The following AADACL4 variants were observed in gnomAD, a reference collection of about 807,000 sequenced individuals.
AADACL4 encodes the protein arylacetamide deacetylase-like 4.
In AADACL4, 9 loss-of-function variants were observed where a neutral mutation model predicts 14.1. The observed-to-expected ratio is 0.64, with a 90% CI of 0.39 to 1.12. The LOEUF is 1.12. AADACL4 is among the 50% of genes most tolerant of loss of function. AADACL4 has a pLI of 0.01. For synonymous variants in AADACL4, 188 were observed against 201.6 expected, an observed-to-expected ratio of 0.93 and a Z score of 0.57; for missense variants, 531 against 516.1, an observed-to-expected ratio of 1.03 and a Z score of -0.28.
chr1:12,648,682 C>T (rs926713968), intron 1 of AADACL4, among the ~76,000 whole-genome samples: 3 of 151,590 alleles, frequency 2.0e-5, no homozygotes, highest in African/African-American at 4.9e-5. Context: ...GGATTACAGG[C>T]GTGAGCCACC....
intron 1 of AADACL4, among the ~76,000 whole-genome samples, chr1:12,650,206 C>T (rs1383421082): frequency 6.6e-6 from 1 of 152,182 alleles, no homozygotes; most frequent in Non-Finnish European, 1.5e-5. Context: ...TATCCAGAAT[C>T]GCTGAAATGT....
At chr1:12,662,784 C>T (rs1011437523) in intron 3 of AADACL4, among the ~76,000 whole-genome samples, 6 of 152,188 alleles carry the variant, frequency 3.9e-5, no homozygotes, top group Admixed American at 3.3e-4. Context: ...CATCTCTGGT[C>T]CTCTCTGATG....
At chr1:12,648,986 T>C (rs992283098) in intron 1 of AADACL4, among the ~76,000 whole-genome samples, 4 of 152,206 alleles carry the variant, frequency 2.6e-5, no homozygotes, top group African/African-American at 9.6e-5. Flanking sequence ...TTCTAGATGC[T>C]GGAGACAGAG....
chr1:12,644,605 TTGTC>T lies in AADACL4; in HGVS notation c.62_65del (p.Val21GlyfsTer22), dbSNP rs771722269. 1.2e-6 allele frequency: 2 copies of T among 1,614,144 alleles called. No homozygotes were observed. Among genetic ancestry groups the T allele is most frequent in the East Asian group, 4.5e-5 (2 of 44,876 alleles). On this transcript the variant is annotated frameshift_variant, in exon 1 of 4. Transcript: ENST00000376221. LOFTEE classifies it high-confidence loss of function. Reference sequence around the variant, plus strand: ...TTGCCCATCTTTTTCCTGGGGGTCTTTGTCTGGGCTGTCTTTGAGCACTTCCTCA... The same window carrying T: ...TTGCCCATCTTTTTCCTGGGGGTCTTTGGGCTGTCTTTGAGCACTTCCTCA...
rs566587637 is a variant in AADACL4, at chr1:12,662,958, C to T, written c.449+1104C>T. On this transcript the variant is annotated intron_variant, in intron 3 of 3. Transcript: ENST00000376221. Reference sequence around the variant, plus strand: ...ACATAAAGGTATCAATAAGCACCTGCATTAATACCTTGTAGGAAATTGCTT... The same window carrying T: ...ACATAAAGGTATCAATAAGCACCTGTATTAATACCTTGTAGGAAATTGCTT... Among the ~76,000 whole-genome samples, 38 of 152,298 alleles carry T rather than the reference C, an allele frequency of 2.5e-4. 2 individuals are homozygous for T. In the South Asian group the frequency reaches 7.9e-3, roughly 32 times the overall value.
rs114844302 is a variant in AADACL4, at chr1:12,644,567, G to A, written c.21G>A (p.Val7=). 7.1e-3 allele frequency: 11,431 copies of A among 1,614,080 alleles called. 52 individuals carry two copies. The highest frequency in any genetic ancestry group is 8.5e-3 in the Non-Finnish European group (10,058 of 1,179,986). ...GGAACATGGCTGTCCCCTGGCTAGT[G>A]CTACTCTTGGCATTGCCCATCTTTT... MAVPWL[V]LLLALPIFFL... Residue 7 remains valine, a synonymous_variant, in exon 1 of 4, where the codon GTG becomes GTA. Coordinates refer to ENST00000376221, the MANE Select transcript of AADACL4 (RefSeq NM_001013630.2).
intron 1 of AADACL4, among the ~76,000 whole-genome samples, chr1:12,647,457 A>C (rs1448966693): frequency 6.6e-6 from 1 of 152,168 alleles, no homozygotes. Flanking sequence ...CTGAAAATGC[A>C]CAGCACCAGT....
intron 3 of AADACL4, among the ~76,000 whole-genome samples, 158 bp from the exon 4 acceptor site, chr1:12,665,803 C>T (rs1000310995): frequency 6.6e-6 from 1 of 152,190 alleles, no homozygotes; most frequent in African/African-American, 2.4e-5. Flanking sequence ...TCTTCACATG[C>T]TCATAGGAAG....
At chr1:12,656,439 G>A (rs1461858755) in intron 2 of AADACL4, among the ~76,000 whole-genome samples, 1 of 152,190 alleles carries the variant, frequency 6.6e-6, no homozygotes, top group Non-Finnish European at 1.5e-5. Flanking sequence ...CTGCAAGCTT[G>A]CTGATATCCA....
At chr1:12,662,014 C>A (rs921822161) in intron 3 of AADACL4, among the ~76,000 whole-genome samples, 160 bp downstream of exon 3, 3 of 152,016 alleles carry the variant, frequency 2.0e-5, no homozygotes, top group Non-Finnish European at 4.4e-5. Flanking sequence ...GAGCAAAAAC[C>A]TGAAAGCAAC....
intron 2 of AADACL4, among the ~76,000 whole-genome samples, chr1:12,660,729 C>A (rs569380010): frequency 6.6e-6 from 1 of 151,980 alleles, no homozygotes; most frequent in African/African-American, 2.4e-5. Context: ...CTGCAACCTC[C>A]GCCTCCCGGG....
At chr1:12,657,508 T>C (rs1011150880) in intron 2 of AADACL4, among the ~76,000 whole-genome samples, 1 of 152,044 alleles carries the variant, frequency 6.6e-6, no homozygotes, top group Non-Finnish European at 1.5e-5. Flanking sequence ...GACACTATCA[T>C]GAGAATGAAT....
chr1:12,666,082 G>C lies in AADACL4; in HGVS notation c.571G>C (p.Gly191Arg). The part of the protein sequence containing the change: ...GVDPSRVVVC[G>R]ESVGGAAVAA... ...GGACCCCTCCAGGGTTGTGGTCTGT[G>C]GAGAAAGCGTCGGAGGTGCAGCGGT... The change falls in exon 4 of 4, where the codon GGA becomes CGA. Residue 191 changes from glycine to arginine, a missense_variant. Physicochemically the swap from Gly to Arg is moderately radical, Grantham distance 125. Coordinates refer to ENST00000376221, the MANE Select transcript of AADACL4 (RefSeq NM_001013630.2). The C allele has an allele frequency of 6.2e-7, 1 of 1,614,244 alleles. No individual in the cohort carries two copies. Among genetic ancestry groups the C allele is most frequent in the Non-Finnish European group, 8.5e-7 (1 of 1,180,046 alleles).
chr1:12,654,066 T>C (rs1467479044), intron 2 of AADACL4, among the ~76,000 whole-genome samples: 1 of 152,134 alleles, frequency 6.6e-6, no homozygotes, highest in Admixed American at 6.5e-5. Flanking sequence ...CAGGATCAGT[T>C]CTCTCAAAAG....
chr1:12,650,026 G>A (rs1647135680), intron 1 of AADACL4, among the ~76,000 whole-genome samples: 1 of 152,196 alleles, frequency 6.6e-6, no homozygotes, highest in African/African-American at 2.4e-5. Context: ...GACTTAGAAA[G>A]GTTGCTGAGA....
At chr1:12,659,826 T>G (rs964079409) in intron 2 of AADACL4, among the ~76,000 whole-genome samples, 7 of 150,586 alleles carry the variant, frequency 4.6e-5, no homozygotes, top group Admixed American at 4.6e-4. Flanking sequence ...ATGTATTTGT[T>G]TGTTTATTTT....
intron 1 of AADACL4, among the ~76,000 whole-genome samples, chr1:12,649,958 C>G (rs752604943): frequency 4.6e-5 from 7 of 152,206 alleles, no homozygotes; most frequent in Non-Finnish European, 8.8e-5. Context: ...GGGCAAGGAA[C>G]TTGACCTTGG....
In AADACL4 at chr1:12,658,143, T is replaced by TTCCTTC. The variant is rs1557550884; in HGVS notation, c.386-3648_386-3647insTCCTTC. 3.4e-3 allele frequency among the ~76,000 whole-genome samples: 307 copies of TTCCTTC among 90,430 alleles called. 3 individuals are homozygous for TTCCTTC. Among genetic ancestry groups the TTCCTTC allele is most frequent in the Admixed American group, 0.012 (114 of 9,540 alleles). The allele number at this position is 90,430 out of a possible 152,430, so 59.3% of individuals were successfully genotyped here. A position where few individuals can be genotyped will look rare whatever the true frequency, so the allele number is the denominator to read the frequency against. On this transcript the variant is annotated intron_variant, in intron 2 of 3. Transcript: ENST00000376221. ...TCCTTCCTTCCTTCCTTCCTTCCTT[T>TTCCTTC]CTTTCTTTCTTTCTTTCTTTCTTTT... is the stretch of plus-strand genomic sequence containing the variant.
At chr1:12,646,858 G>C (rs750175374) in intron 1 of AADACL4, among the ~76,000 whole-genome samples, 4 of 152,144 alleles carry the variant, frequency 2.6e-5, no homozygotes, top group Non-Finnish European at 5.9e-5. Flanking sequence ...GGGTGATGAT[G>C]ATGAGGATGA....
Sources: allele counts gnomAD v4.1 joint callset (sites outside exome capture counted in the v4.1 genomes callset), GRCh38; gene constraint gnomAD v4.1.1; transcripts MANE v1.5; gene names NCBI Gene and HGNC (gene_info 2026-07-23, HGNC 2026-07-21).